Variants in ST3GAL1 observed in about 807,000 individuals in gnomAD.
ST3GAL1 encodes the protein CMP-N-acetylneuraminate-beta-galactosamide-alpha-2,3-sialyltransferase 1.
Under a neutral mutation model 34.1 loss-of-function variants are expected in ST3GAL1, and 16 were observed. The ratio of observed to expected loss-of-function variants is 0.47; its 90% CI spans 0.32 to 0.71. ST3GAL1 has a LOEUF of 0.71. ST3GAL1 is among the 30% of genes least tolerant of loss of function. The pLI, the probability that ST3GAL1 is intolerant of heterozygous loss-of-function variation, is 0.04. For synonymous variants in ST3GAL1, 191 were observed against 184.7 expected, an observed-to-expected ratio of 1.03 and a Z score of -0.28; for missense variants, 353 against 447.4, an observed-to-expected ratio of 0.79 and a Z score of 1.90.
At chr8:133,505,442 T>A (rs1276933890) in intron 2 of ST3GAL1, among the ~76,000 whole-genome samples, 1 of 152,186 alleles carries the variant, frequency 6.6e-6, no homozygotes, top group Admixed American at 6.5e-5. Context: ...CTGCCTGCCG[T>A]GCTGGAGTAA....
chr8:133,489,491 G>C (rs1374003525), intron 3 of ST3GAL1: 1 of 152,538 alleles, frequency 6.6e-6, no homozygotes, highest in South Asian at 2.1e-4. Flanking sequence ...AGCTGCTCTC[G>C]CTAGAATCTG....
At chr8:133,551,058 T>C (rs569160596) in intron 1 of ST3GAL1, among the ~76,000 whole-genome samples, 3 of 152,326 alleles carry the variant, frequency 2.0e-5, no homozygotes, top group African/African-American at 7.2e-5. Context: ...ATACTATTGC[T>C]GCATTTTTAA....
chr8:133,553,877 G>A (rs1278846129), intron 1 of ST3GAL1, among the ~76,000 whole-genome samples: 2 of 152,286 alleles, frequency 1.3e-5, no homozygotes, highest in East Asian at 1.9e-4. Context: ...ATAGGTTGCG[G>A]CAATCTAAGA....
intron 1 of ST3GAL1, among the ~76,000 whole-genome samples, chr8:133,546,964 C>T (rs1267899882): frequency 6.6e-6 from 1 of 150,860 alleles, no homozygotes; most frequent in Non-Finnish European, 1.5e-5. Context: ...GAGATCACAC[C>T]ACTGCCCTCC....
At chr8:133,486,391 C>A (rs1036278279) in intron 3 of ST3GAL1, among the ~76,000 whole-genome samples, 3 of 152,218 alleles carry the variant, frequency 2.0e-5, no homozygotes, top group African/African-American at 7.2e-5. Flanking sequence ...TTTGTTTTCT[C>A]CTTCCAGCTG....
intron 2 of ST3GAL1, among the ~76,000 whole-genome samples, chr8:133,544,354 G>T (rs903515206): frequency 1.1e-4 from 17 of 152,272 alleles, no homozygotes; most frequent in African/African-American, 4.1e-4. Context: ...TTCCCAACCT[G>T]TCTATCGTAT....
Position 133,571,295 on chromosome 8 carries a change from C to T in ST3GAL1, c.-582+398G>A, listed in dbSNP as rs1307234552. Among the ~76,000 whole-genome samples, 3 of 152,204 alleles carry T rather than the reference C, an allele frequency of 2.0e-5. No individual in the cohort carries two copies. The highest frequency in any genetic ancestry group is 4.4e-5 in the Non-Finnish European group (3 of 68,038). Reference sequence around the variant, plus strand: ...GCGGCCCCAGCGGAGGAGATCCCAGCCCGGCGCCGGGTGCAATGTCACTGG... The same window carrying T: ...GCGGCCCCAGCGGAGGAGATCCCAGTCCGGCGCCGGGTGCAATGTCACTGG... On this transcript the variant is annotated intron_variant, in intron 1 of 9. Coordinates refer to ENST00000522652, the MANE Select transcript of ST3GAL1 (RefSeq NM_173344.3). This position sits in a 1 kb window ranked among gnomAD's most constrained non-coding sequence, Gnocchi z 6.7.
chr8:133,533,976 T>A (rs190076456), intron 2 of ST3GAL1, among the ~76,000 whole-genome samples: 38 of 152,120 alleles, frequency 2.5e-4, no homozygotes, highest in African/African-American at 8.0e-4. Flanking sequence ...TACAACCATA[T>A]AGCATAATTG....
intron 2 of ST3GAL1, among the ~76,000 whole-genome samples, chr8:133,541,106 T>TAG (rs1563734604): frequency 2.0e-5 from 1 of 50,326 alleles, no homozygotes. Context: ...CATATATATA[T>TAG]ATATATATAT....
intron 1 of ST3GAL1, among the ~76,000 whole-genome samples, chr8:133,553,129 C>A (rs999558534): frequency 2.0e-5 from 3 of 152,102 alleles, no homozygotes; most frequent in Admixed American, 6.6e-5. Flanking sequence ...ACTATCCAAC[C>A]CCCTGTGCAC....
intron 3 of ST3GAL1, among the ~76,000 whole-genome samples, chr8:133,497,348 T>C (rs923816351): frequency 6.6e-6 from 1 of 151,656 alleles, no homozygotes; most frequent in South Asian, 2.1e-4. Context: ...GACAAAACCA[T>C]TGCAAACTTC....
chr8:133,530,966 C>G (rs1003349089), intron 2 of ST3GAL1, among the ~76,000 whole-genome samples: 5 of 152,110 alleles, frequency 3.3e-5, no homozygotes, highest in Admixed American at 2.6e-4. Context: ...TCCGGTGACA[C>G]AAAGAGGTGA....
chr8:133,563,471 G>T (rs961591969), intron 1 of ST3GAL1, among the ~76,000 whole-genome samples: 2 of 152,176 alleles, frequency 1.3e-5, no homozygotes, highest in Non-Finnish European at 2.9e-5. Flanking sequence ...CAACAGGGCC[G>T]GCTGAGAATC....
chr8:133,487,518 C>G (rs1168555786), intron 3 of ST3GAL1, among the ~76,000 whole-genome samples: 1 of 152,182 alleles, frequency 6.6e-6, no homozygotes, highest in African/African-American at 2.4e-5. Context: ...CCTTTACATA[C>G]AGCATCTCAC....
At chr8:133,468,947 G>C (rs1408785461) in intron 5 of ST3GAL1, among the ~76,000 whole-genome samples, 1 of 152,174 alleles carries the variant, frequency 6.6e-6, no homozygotes, top group African/African-American at 2.4e-5. Flanking sequence ...CCTTAGGCTT[G>C]TAAAGATGTG....
rs1431658298 is a variant in ST3GAL1 at position 133,468,006 on chromosome 8, TC to T, written c.307-1917del. 3.3e-5 allele frequency among the ~76,000 whole-genome samples: 5 copies of T among 152,266 alleles called. No homozygotes were observed. The East Asian group carries it at 9.6e-4, about 29-fold the overall frequency. ...GGTGAGGATGTGGAGAAAATGGAAC[TC>T]GTGCATTGCTGGTGGGGATGTAAAA... On this transcript the variant is annotated intron_variant, in intron 5 of 9. Coordinates refer to ENST00000522652, the MANE Select transcript of ST3GAL1 (RefSeq NM_173344.3).
At chr8:133,495,058 A>C (rs1383273137) in intron 3 of ST3GAL1, among the ~76,000 whole-genome samples, 1 of 151,634 alleles carries the variant, frequency 6.6e-6, no homozygotes, top group East Asian at 1.9e-4. Context: ...AGCTGGGACT[A>C]CAGGTGTGTG....
chr8:133,496,579 T>C (rs1816952072), intron 3 of ST3GAL1, among the ~76,000 whole-genome samples: 1 of 152,112 alleles, frequency 6.6e-6, no homozygotes, highest in South Asian at 2.1e-4. Context: ...TTTCAGAGTC[T>C]CCAGGAGGGG....
intron 2 of ST3GAL1, among the ~76,000 whole-genome samples, chr8:133,539,938 A>C (rs1818418202): frequency 6.6e-6 from 1 of 152,210 alleles, no homozygotes. Context: ...ATAAGTTATT[A>C]ACATCTTGAG....
Sources: gnomAD v4.1 joint callset for allele counts (sites outside exome capture counted in the v4.1 genomes callset) on GRCh38, gnomAD v4.1.1 for gene constraint, Gnocchi (gnomAD v3.1) non-coding constraint, MANE v1.5 for transcripts, NCBI Gene and HGNC (gene_info 2026-07-23, HGNC 2026-07-21) for gene names.